SNURF: variants seen among roughly 807,000 people sequenced by gnomAD.
The protein encoded by SNURF is SNURF protein.
Under a neutral mutation model 11.6 loss-of-function variants are expected in SNURF, and 6 were observed. That is an observed-to-expected ratio of 0.52 (90% CI 0.28 to 1.02). SNURF has a LOEUF of 1.02. Among genes scored for constraint, SNURF ranks in the 50% least tolerant of loss-of-function variants. The pLI, the probability that SNURF is intolerant of heterozygous loss-of-function variation, is 0.09. For synonymous variants in SNURF, 29 were observed against 31.6 expected (o/e 0.92, Z 0.27); for missense variants, 84 against 88.4 (o/e 0.95, Z 0.20).
At chr15:24,970,610 T>C (rs2076281055), downstream of SNURF, among the ~76,000 whole-genome samples, 1 of 152,198 alleles carries the variant, frequency 6.6e-6, no homozygotes, top group African/African-American at 2.4e-5. Flanking sequence ...ATATTCTGTT[T>C]TTCTTTGGTA....
intron 1 of SNURF, chr15:24,958,627 A>G (rs2074272338): frequency 6.6e-6 from 1 of 150,772 alleles, no homozygotes; most frequent in Admixed American, 6.7e-5. Flanking sequence ...GGCTGGCCCA[A>G]ATTCTCTTTT....
exon 3 of SNURF, chr15:24,967,947 G>A (rs1024846547): frequency 4.3e-6 from 7 of 1,613,706 alleles, no homozygotes; most frequent in Admixed American, 1.7e-5. Context: ...AGTTGTACCC[G>A]AGGCGTTCTC....
At chr15:24,978,355 G>T (rs1426145125), downstream of SNURF, 1 of 1,613,738 alleles carries the variant, frequency 6.2e-7, no homozygotes, top group Non-Finnish European at 8.5e-7. Context: ...GTTCAGCCAG[G>T]CCCCTGAATA....
chr15:24,974,345 G>C, intron 3 of SNURF: 2 of 974,538 alleles, frequency 2.1e-6, no homozygotes, highest in Non-Finnish European at 3.3e-6. Context: ...TGCCCAGCTT[G>C]CATTGTTTCT....
intron 1 of SNURF, among the ~76,000 whole-genome samples, chr15:24,961,053 T>C (rs997012986): frequency 6.6e-6 from 1 of 152,214 alleles, no homozygotes; most frequent in African/African-American, 2.4e-5. Flanking sequence ...CCTTTCACTT[T>C]CTTTAGTGTT....
downstream of SNURF, chr15:24,968,741 G>A (rs1340579392): frequency 2.0e-5 from 3 of 151,758 alleles, no homozygotes; most frequent in African/African-American, 7.3e-5. Context: ...TTTTTGTTTT[G>A]TCTTTTTCTC....
Position 24,975,583 on chromosome 15 carries a change from A to C in SNURF, c.*197+74A>C. 3 of 1,274,608 alleles carry C rather than the reference A, an allele frequency of 2.4e-6. 1 individual carries two copies. In the South Asian group the frequency reaches 3.8e-5, roughly 16 times the overall value. 79.0% of individuals were successfully genotyped at this position (1,274,608 alleles called of 1,614,324 possible). On this transcript the variant is annotated intron_variant and NMD_transcript_variant, in intron 4 of 6. Coordinates refer to the SNURF transcript ENST00000580062. ...GGGAAGGCCAGAGCTGGAGTAAGGG[A>C]TTTCCGAGGGTAACTGAAGTAGTTA...
chr15:24,972,255 CA>C (rs5811371), downstream of SNURF, among the ~76,000 whole-genome samples: 452 of 108,202 alleles, frequency 4.2e-3, no homozygotes, highest in African/African-American at 0.011. Context: ...GACTCTGTCT[CA>C]AAAAAAAAAA....
chr15:24,962,620 T>TA (rs2075009518), intron 2 of SNURF, among the ~76,000 whole-genome samples: 1 of 152,172 alleles, frequency 6.6e-6, no homozygotes, highest in African/African-American at 2.4e-5. Flanking sequence ...TTTATTCTGT[T>TA]AAAATTTAAA....
intron 1 of SNURF, among the ~76,000 whole-genome samples, chr15:24,955,443 T>TG (rs1445486918): frequency 4.6e-5 from 7 of 151,380 alleles, no homozygotes; most frequent in South Asian, 2.1e-4. Context: ...CGAGGGTACG[T>TG]GGGGGGACCA....
chr15:24,978,329 GC>G, downstream of SNURF: 1 of 1,614,066 alleles, frequency 6.2e-7, no homozygotes, highest in Non-Finnish European at 8.5e-7. Context: ...GTGAGTGGGA[GC>G]ATAGGGGTTT....
chr15:24,973,909 A>G (rs1401270244), intron 3 of SNURF, among the ~76,000 whole-genome samples: 1 of 152,192 alleles, frequency 6.6e-6, no homozygotes, highest in Non-Finnish European at 1.5e-5. Flanking sequence ...GCAAATGACA[A>G]CATAGGTATT....
downstream of SNURF, among the ~76,000 whole-genome samples, chr15:24,971,246 T>C (rs899495573): frequency 3.9e-5 from 6 of 152,236 alleles, no homozygotes; most frequent in African/African-American, 1.2e-4. Context: ...GAAGATACAC[T>C]ATGACTGCTC....
In SNURF at chr15:24,959,708, A is replaced by G. The variant is rs554629392; in HGVS notation, c.15-2406A>G. On this transcript the variant is annotated intron_variant, in intron 1 of 2. Transcript: ENST00000577949. ...TGCCCACCATAATGTAGCACTGATC[A>G]GTACTAAATTCCTTTTTATGGCTGA... is the stretch of plus-strand genomic sequence containing the variant. 8.1e-4 allele frequency among the ~76,000 whole-genome samples: 124 copies of G among 152,330 alleles called. 1 individual carries two copies. The highest frequency in any genetic ancestry group is 2.9e-3 in the African/African-American group (121 of 41,588).
chr15:24,968,041 C>A, exon 3 of SNURF: 1 of 1,613,234 alleles, frequency 6.2e-7, no homozygotes, highest in Non-Finnish European at 8.5e-7. Flanking sequence ...TGGTTAAAGC[C>A]ATATTGGAGT....
intron 3 of SNURF, among the ~76,000 whole-genome samples, chr15:24,973,911 A>G (rs1469526330): frequency 6.6e-6 from 1 of 152,198 alleles, no homozygotes; most frequent in African/African-American, 2.4e-5. Flanking sequence ...AAATGACAAC[A>G]TAGGTATTTC....
intron 6 of SNURF, chr15:24,977,772 T>C (rs1566978397): frequency 6.3e-7 from 1 of 1,589,462 alleles, no homozygotes; most frequent in East Asian, 2.3e-5. Flanking sequence ...CGCCCTGCCT[T>C]CTCAGGTAAT....
chr15:24,977,454 C>T (rs541133842), intron 6 of SNURF, among the ~76,000 whole-genome samples: 1 of 152,164 alleles, frequency 6.6e-6, no homozygotes, highest in South Asian at 2.1e-4. Context: ...GCCCGGCCCA[C>T]GTGGTGAAAA....
At chr15:24,966,021 A>G (rs569668571) in intron 2 of SNURF, among the ~76,000 whole-genome samples, 14 of 152,280 alleles carry the variant, frequency 9.2e-5, no homozygotes, top group East Asian at 5.8e-4. Flanking sequence ...AAAGTAGACT[A>G]TGAATTAGAG....
Sources: allele counts gnomAD v4.1 joint callset (sites outside exome capture counted in the v4.1 genomes callset), GRCh38; gene constraint gnomAD v4.1.1; transcripts MANE v1.5; gene names NCBI Gene and HGNC (gene_info 2026-07-23, HGNC 2026-07-21).